HERC3: variants seen among roughly 807,000 people sequenced by gnomAD.
The protein encoded by HERC3 is HECT and RLD domain containing E3 ubiquitin protein ligase 3.
A neutral mutation model predicts 129.9 loss-of-function variants in HERC3; 58 were observed. That is an observed-to-expected ratio of 0.45 (90% confidence interval 0.36 to 0.56). The LOEUF (loss-of-function observed/expected upper bound fraction) is 0.56, where lower values mean the gene tolerates loss of function less well. Ranked by LOEUF, HERC3 falls within the 20% of genes least tolerant of loss-of-function variation. The pLI is 0.00. For missense variants in HERC3, 835 were observed against 1,244.2 expected (o/e 0.67, Z 4.95); for synonymous variants, 430 against 451.0 (o/e 0.95, Z 0.59).
At chr4:88,693,690 G>A (rs973046703) in intron 23 of HERC3, 9 of 984,424 alleles carry the variant, frequency 9.1e-6, no homozygotes, top group Non-Finnish European at 1.1e-5. Context: ...GTGTCTATGT[G>A]TATGCATTGA....
At chr4:88,692,752 G>A (rs766155211) in intron 23 of HERC3, 2 of 232,298 alleles carry the variant, frequency 8.6e-6, no homozygotes, top group Non-Finnish European at 1.4e-5. Flanking sequence ...CTTGTTCAAC[G>A]TTACACAGCT....
the HERC3 span, among the ~76,000 whole-genome samples, chr4:88,578,257 C>A: frequency 1.3e-5 from 2 of 152,126 alleles, no homozygotes; most frequent in African/African-American, 4.8e-5. Context: ...ATCTATTGAG[C>A]CTCCAATGTA....
the HERC3 span, among the ~76,000 whole-genome samples, chr4:88,575,866 C>G: frequency 1.4e-4 from 22 of 152,218 alleles, no homozygotes; most frequent in African/African-American, 5.3e-4. Flanking sequence ...TCAACAAATA[C>G]TGCCTATTTT....
chr4:88,602,055 CAAAAAAAA>C lies in HERC3; in HGVS notation c.-29-3729_-29-3722del, dbSNP rs1266941147. Among the ~76,000 whole-genome samples, 3 of 43,878 alleles carry C rather than the reference CAAAAAAAA, an allele frequency of 6.8e-5. 1 individual carries two copies. Among genetic ancestry groups the C allele is most frequent in the Non-Finnish European group, 1.0e-4 (3 of 28,790 alleles). The allele number at this position is 43,878 out of a possible 152,430, so 28.8% of individuals were successfully genotyped here. A position where few individuals can be genotyped will look rare whatever the true frequency, so the allele number is the denominator to read the frequency against. On this transcript the variant is annotated intron_variant, in intron 2 of 25. Transcript: ENST00000402738. ...TGGGCGACAGAGCGAGACTCCGTCT[CAAAAAAAA>C]AAAAAAAAAAGAAAAGGATATTCAG...
intron 3 of HERC3, among the ~76,000 whole-genome samples, chr4:88,634,646 C>T (rs1727161443): frequency 6.7e-6 from 1 of 150,276 alleles, no homozygotes; most frequent in Non-Finnish European, 1.5e-5. Flanking sequence ...AGCCAAAGTG[C>T]TTTGTTAAAT....
At chr4:88,647,055 G>A (rs1728765149) in intron 3 of HERC3, among the ~76,000 whole-genome samples, 1 of 152,112 alleles carries the variant, frequency 6.6e-6, no homozygotes. Context: ...TTGCAAAAAT[G>A]TAAGGAATGC....
intron 3 of HERC3, among the ~76,000 whole-genome samples, chr4:88,631,067 A>C (rs1270658223): frequency 6.6e-6 from 1 of 152,220 alleles, no homozygotes; most frequent in Admixed American, 6.5e-5. Context: ...CTTTAAGAAG[A>C]ACATATATTC....
At chr4:88,688,198 A>C (rs1733684349) in intron 23 of HERC3, among the ~76,000 whole-genome samples, 1 of 152,226 alleles carries the variant, frequency 6.6e-6, no homozygotes, top group Non-Finnish European at 1.5e-5. Context: ...TTTAGGCACC[A>C]GATGAGTTGG....
the HERC3 span, among the ~76,000 whole-genome samples, chr4:88,572,606 T>G: frequency 2.0e-5 from 3 of 151,198 alleles, no homozygotes; most frequent in South Asian, 4.2e-4. Context: ...GTCAGGAGAT[T>G]GAGACCATCC....
upstream of HERC3, among the ~76,000 whole-genome samples, chr4:88,590,673 AG>A (rs1325415678): frequency 1.3e-5 from 2 of 152,250 alleles, no homozygotes; most frequent in Non-Finnish European, 2.9e-5. Flanking sequence ...ACCTAACAAT[AG>A]GATCTCTCAC....
At chr4:88,579,850 C>A in the HERC3 span, among the ~76,000 whole-genome samples, 1 of 151,926 alleles carries the variant, frequency 6.6e-6, no homozygotes, top group South Asian at 2.1e-4. Flanking sequence ...TCAGGAGAGT[C>A]GAAGTTAGGA....
chr4:88,600,688 C>T (rs1722877693), intron 2 of HERC3, among the ~76,000 whole-genome samples: 1 of 152,166 alleles, frequency 6.6e-6, no homozygotes, highest in Non-Finnish European at 1.5e-5. Flanking sequence ...TAGCTCTCTC[C>T]AGGGGAGGCC....
At chr4:88,662,978 G>T in intron 11 of HERC3, among the ~76,000 whole-genome samples, 1 of 147,542 alleles carries the variant, frequency 6.8e-6, no homozygotes, top group African/African-American at 2.5e-5. Context: ...TAATGATTGA[G>T]ATGGTAATTC....
rs75738204 is a variant in HERC3 at position 88,697,296 on chromosome 4, G to A, written c.2658-6802G>A. On this transcript the variant is annotated intron_variant, in intron 23 of 25. Coordinates refer to ENST00000402738, the MANE Select transcript of HERC3 (RefSeq NM_014606.3). ...CTGCCGCAGCCTCCTCCTCCTCCTC[G>A]TCTTCCCCCTCCTCCTCGTCATCCT... is the stretch of plus-strand genomic sequence containing the variant. 1,518 of 1,604,724 alleles carry A rather than the reference G, an allele frequency of 9.5e-4. 12 individuals carry two copies. In the African/African-American group the frequency reaches 0.018, roughly 19 times the overall value.
intron 21 of HERC3, among the ~76,000 whole-genome samples, chr4:88,682,419 C>T (rs1329637072): frequency 1.3e-5 from 2 of 151,610 alleles, no homozygotes; most frequent in African/African-American, 2.4e-5. Flanking sequence ...TGTGCTGCAC[C>T]CATTAACTCG....
At chr4:88,697,840 C>G in intron 23 of HERC3, 1 of 1,494,642 alleles carries the variant, frequency 6.7e-7, no homozygotes, top group South Asian at 1.4e-5. Flanking sequence ...GCGGATGCGG[C>G]AAGTGGCGGT....
At chr4:88,580,095 A>G in the HERC3 span, among the ~76,000 whole-genome samples, 30,228 of 152,102 alleles carry the variant, frequency 0.2, 5,335 homozygotes, top group African/African-American at 0.47. Context: ...GCAATAGGAA[A>G]CCAATAAATA....
intron 23 of HERC3, among the ~76,000 whole-genome samples, chr4:88,698,238 C>T (rs568993119): frequency 6.6e-6 from 1 of 152,278 alleles, no homozygotes; most frequent in East Asian, 1.9e-4. Flanking sequence ...CTCTTAGATT[C>T]CTCCGCATTC....
At chr4:88,641,539 T>C (rs1324107487) in intron 3 of HERC3, among the ~76,000 whole-genome samples, 1 of 152,030 alleles carries the variant, frequency 6.6e-6, no homozygotes, top group African/African-American at 2.4e-5. Flanking sequence ...AAAAGATCAA[T>C]AAAATGATAA....
Sources: gnomAD v4.1 joint callset for allele counts (sites outside exome capture counted in the v4.1 genomes callset) on GRCh38, gnomAD v4.1.1 for gene constraint, MANE v1.5 for transcripts, NCBI Gene and HGNC (gene_info 2026-07-23, HGNC 2026-07-21) for gene names.